Variants in DYNC2H1 observed in about 807,000 individuals in gnomAD.
DYNC2H1 encodes cytoplasmic dynein 2 heavy chain 1.
DYNC2H1 carries 410 observed loss-of-function variants against 570.0 expected under a neutral mutation model. That is an observed-to-expected ratio of 0.72 (90% CI 0.66 to 0.78). DYNC2H1 has a LOEUF of 0.78. Ranked by LOEUF, DYNC2H1 falls within the 30% of genes least tolerant of loss-of-function variation. DYNC2H1 has a pLI of 0.00. For missense variants in DYNC2H1, 4,865 were observed against 5,046.4 expected (o/e 0.96, Z 1.09); for synonymous variants, 1,688 against 1,677.6 (o/e 1.01, Z -0.15).
chr11:103,305,147 A>G lies in DYNC2H1; in HGVS notation c.11382+427A>G, dbSNP rs1239532239. On this transcript the variant is annotated intron_variant, in intron 77 of 88. Transcript: ENST00000375735. This position sits in a 1 kb window ranked among gnomAD's most constrained non-coding sequence, Gnocchi z 4.3. ...GTTTATCTCAAATGGACTCAGGAGA[A>G]AAATAATCTTAAGACAGGACAAGTC... is the stretch of plus-strand genomic sequence containing the variant. Among the ~76,000 whole-genome samples, 2 of 152,196 alleles carry G rather than the reference A, an allele frequency of 1.3e-5. No homozygotes were observed. Among genetic ancestry groups the G allele is most frequent in the Non-Finnish European group, 2.9e-5 (2 of 68,042 alleles).
At chr11:103,149,449 G>A (rs1017879905) in intron 20 of DYNC2H1, among the ~76,000 whole-genome samples, 2 of 152,244 alleles carry the variant, frequency 1.3e-5, no homozygotes, top group Middle Eastern at 3.4e-3. Flanking sequence ...ATTCAAATTA[G>A]TGTACAAACT....
chr11:103,169,959 C>T (rs1169263620), intron 32 of DYNC2H1, 149 bp from the exon 33 acceptor site: 5 of 678,486 alleles, frequency 7.4e-6, no homozygotes, highest in Non-Finnish European at 1.1e-5. Flanking sequence ...GCTTCTTTCA[C>T]TAGAAAAAAT....
At chr11:103,162,718 A>T (rs1861148095) in intron 29 of DYNC2H1, among the ~76,000 whole-genome samples, 1 of 152,168 alleles carries the variant, frequency 6.6e-6, no homozygotes, top group Non-Finnish European at 1.5e-5. Context: ...TTAAATGCTC[A>T]TATTATATTG....
rs1864581497 is a variant in DYNC2H1, at chr11:103,245,535, A to G, written c.10042+161A>G. The stretch of plus-strand genomic sequence containing the variant: ...GTAAAGTTGTGACAATATGTGTAAA[A>G]TGTTGTTTATCAGGAAAGCTCAGTA... On this transcript the variant is annotated intron_variant, in intron 65 of 88. Transcript: ENST00000375735. This position sits in a 1 kb window ranked among gnomAD's most constrained non-coding sequence, Gnocchi z 4.5. Among the ~76,000 whole-genome samples the G allele has an allele frequency of 6.6e-6, 1 of 152,086 alleles. No individual in the cohort carries two copies. Among genetic ancestry groups the G allele is most frequent in the African/African-American group, 2.4e-5 (1 of 41,444 alleles).
intron 25 of DYNC2H1, 70 bp downstream of exon 25, chr11:103,155,571 G>A: frequency 1.4e-6 from 2 of 1,435,776 alleles, no homozygotes; most frequent in Middle Eastern, 2.3e-4. Context: ...TTCATATTTT[G>A]TTTAAATACA....
Position 103,479,263 on chromosome 11 carries a change from A to G in DYNC2H1, c.*10A>G. The G allele has an allele frequency of 6.2e-7, 1 of 1,606,640 alleles. No homozygotes were observed. Among genetic ancestry groups the G allele is most frequent in the South Asian group, 1.1e-5 (1 of 89,814 alleles). On this transcript the variant is annotated 3_prime_UTR_variant, in exon 89 of 89. Transcript: ENST00000375735. ...CCTAAAAAATCAGTAGAATCTAATG[A>G]CAACAAAAGCCATCTTCACAAAAGG...
chr11:103,478,068 CT>C lies in DYNC2H1; in HGVS notation c.12766-1026del, dbSNP rs1384244052. 2.6e-5 allele frequency among the ~76,000 whole-genome samples: 4 copies of C among 151,402 alleles called. No homozygotes were observed. In the East Asian group the frequency reaches 7.8e-4, roughly 29 times the overall value. On this transcript the variant is annotated intron_variant, in intron 88 of 88. Transcript: ENST00000375735. ...TCAGGAGCCAACTTAAAAAGTTCCC[CT>C]GAGCGAAGACTGACAATTTGAACAC...
chr11:103,170,322 A>C lies in DYNC2H1; in HGVS notation c.5151+32A>C. The stretch of plus-strand genomic sequence containing the variant: ...TAAATAATTATCAAAATATGTAACA[A>C]TGGGTTAATCATATTTAGATTAGTT... On this transcript the variant is annotated intron_variant, in intron 33 of 88. Coordinates refer to ENST00000375735, the MANE Select transcript of DYNC2H1 (RefSeq NM_001377.3). The surrounding 1 kb of genome is among the most constrained non-coding windows in gnomAD (Gnocchi z 4.8). 2.0e-6 allele frequency: 3 copies of C among 1,509,186 alleles called. No individual in the cohort carries two copies. The highest frequency in any genetic ancestry group is 2.7e-6 in the Non-Finnish European group (3 of 1,125,726). 93.5% of individuals were successfully genotyped at this position (1,509,186 alleles called of 1,614,324 possible).
At position 103,113,594 on chromosome 11, in the gene DYNC2H1, GTAA is replaced by G; in HGVS notation, c.255_257del (p.Ile86del). 1 of 1,578,432 alleles carries G rather than the reference GTAA, an allele frequency of 6.3e-7. No individual in the cohort carries two copies. Among genetic ancestry groups the G allele is most frequent in the Non-Finnish European group, 8.6e-7 (1 of 1,166,996 alleles). ...GGTGTTTTTCAAGCTGCGACCTGAA[GTAA>G]TTACTGATGAGAATCTACATGATAA... On this transcript the variant is annotated inframe_deletion, in exon 2 of 89. Coordinates refer to ENST00000375735, the MANE Select transcript of DYNC2H1 (RefSeq NM_001377.3).
chr11:103,255,589 T>C, intron 67 of DYNC2H1, 55 bp downstream of exon 67: 2 of 1,482,074 alleles, frequency 1.3e-6, no homozygotes, highest in Admixed American at 5.3e-5. Flanking sequence ...TTTTAATGAA[T>C]ACAAATAACA....
At chr11:103,196,731 T>TC (rs1565386877) in intron 47 of DYNC2H1, among the ~76,000 whole-genome samples, 1 of 152,060 alleles carries the variant, frequency 6.6e-6, no homozygotes, top group Non-Finnish European at 1.5e-5. Flanking sequence ...TAAGTAGGGT[T>TC]ACATAGATGC....
At chr11:103,417,350 C>T (rs1943323820) in intron 84 of DYNC2H1, among the ~76,000 whole-genome samples, 1 of 152,012 alleles carries the variant, frequency 6.6e-6, no homozygotes, top group Non-Finnish European at 1.5e-5. Flanking sequence ...ATCTGTCTGC[C>T]TCAGCCTCCC....
intron 83 of DYNC2H1, among the ~76,000 whole-genome samples, chr11:103,383,462 CT>C (rs1384879587): frequency 1.5e-5 from 2 of 133,856 alleles, no homozygotes; most frequent in Admixed American, 1.7e-4. Context: ...GTAATTCTTT[CT>C]CCTTTTAAAT....
In DYNC2H1 at chr11:103,235,782, G is replaced by A. The variant is rs1421032086; in HGVS notation, c.9678G>A (p.Leu3226=). 3.7e-6 allele frequency: 6 copies of A among 1,611,492 alleles called. No individual in the cohort carries two copies. The highest frequency in any genetic ancestry group is 5.1e-6 in the Non-Finnish European group (6 of 1,178,338). The change falls in exon 62 of 89, where the codon TTG becomes TTA. Residue 3226 remains leucine, a synonymous_variant. Coordinates refer to ENST00000375735, the MANE Select transcript of DYNC2H1 (RefSeq NM_001377.3). The part of the protein sequence containing the change: ...AAPESLRKTC[L]EEWTKSAGLE... ...CTGAATCTCTGAGAAAAACCTGTTT[G>A]GAAGAATGGACCAAGTCAGCTGGTC...
At chr11:103,437,008 G>A (rs531759542) in intron 85 of DYNC2H1, among the ~76,000 whole-genome samples, 7 of 152,220 alleles carry the variant, frequency 4.6e-5, no homozygotes, top group African/African-American at 1.7e-4. Context: ...CAGATACAGT[G>A]TACAGTGTAC....
chr11:103,438,723 A>G (rs1944149365), intron 85 of DYNC2H1, among the ~76,000 whole-genome samples: 1 of 152,186 alleles, frequency 6.6e-6, no homozygotes, highest in African/African-American at 2.4e-5. Flanking sequence ...TCAGTCAAAA[A>G]TATAATAAGC....
chr11:103,130,999 T>C lies in DYNC2H1; in HGVS notation c.1953+1994T>C, dbSNP rs116952605. Among the ~76,000 whole-genome samples, 31 of 152,322 alleles carry C rather than the reference T, an allele frequency of 2.0e-4. 1 individual carries two copies. In the East Asian group the frequency reaches 4.6e-3, roughly 23 times the overall value. On this transcript the variant is annotated intron_variant, in intron 13 of 88. Transcript: ENST00000375735. ...TCAAGCAATAGAACAGTAAGTGATA[T>C]ATAGTAATTATTCAGTAAACAATTT...
intron 19 of DYNC2H1, 139 bp from the exon 20 acceptor site, chr11:103,148,351 A>C: frequency 1.1e-6 from 1 of 910,104 alleles, no homozygotes; most frequent in Non-Finnish European, 1.5e-6. Context: ...ATTTTGTTTT[A>C]TGAAAGCAAA....
At chr11:103,136,373 C>T (rs75524134) in intron 17 of DYNC2H1, among the ~76,000 whole-genome samples, 1 of 150,522 alleles carries the variant, frequency 6.6e-6, no homozygotes, top group South Asian at 2.1e-4. Flanking sequence ...TATCCCTCCC[C>T]CCTCCCGCCA....
Sources: gnomAD v4.1 joint callset for allele counts (sites outside exome capture counted in the v4.1 genomes callset) on GRCh38, gnomAD v4.1.1 for gene constraint, Gnocchi (gnomAD v3.1) non-coding constraint, MANE v1.5 for transcripts, NCBI Gene and HGNC (gene_info 2026-07-23, HGNC 2026-07-21) for gene names.